Variants in SPECC1 observed in about 807,000 individuals in gnomAD.
SPECC1 encodes the protein sperm antigen with calponin homology and coiled-coil domains 1, also known as cytospin-B.
A neutral mutation model predicts 104.1 loss-of-function variants in SPECC1; 62 were observed. The ratio of observed to expected loss-of-function variants is 0.60; its 90% CI spans 0.49 to 0.74. The LOEUF is 0.74. Ranked by LOEUF, SPECC1 falls within the 30% of genes least tolerant of loss-of-function variation. The pLI is 0.00. For missense variants in SPECC1, 1,306 were observed against 1,310.5 expected, an observed-to-expected ratio of 1.00 and a Z score of 0.05; for synonymous variants, 513 against 501.6, an observed-to-expected ratio of 1.02 and a Z score of -0.30.
intron 5 of SPECC1, among the ~76,000 whole-genome samples, chr17:20,228,180 GA>G (rs1405618264): frequency 1.3e-5 from 2 of 152,124 alleles, no homozygotes; most frequent in Non-Finnish European, 2.9e-5. Flanking sequence ...AGGTGATTGC[GA>G]AAAATAGAAA....
At chr17:20,044,270 A>G (rs2045448424) in intron 1 of SPECC1, among the ~76,000 whole-genome samples, 1 of 152,160 alleles carries the variant, frequency 6.6e-6, no homozygotes, top group Non-Finnish European at 1.5e-5. Context: ...AAAAGGCTAT[A>G]ACAAGATCTG....
rs762394543 is a variant in SPECC1, at chr17:20,227,548, G to A, written c.1999G>A (p.Glu667Lys). The A allele has an allele frequency of 1.2e-6, 2 of 1,612,526 alleles. No individual in the cohort carries two copies. The highest frequency in any genetic ancestry group is 1.7e-5 in the Admixed American group (1 of 59,344). Residue 667 changes from glutamate (E) to lysine (K), a missense_variant, in exon 5 of 15, where the codon GAA becomes AAA. Coordinates refer to ENST00000395527, the MANE Select transcript of SPECC1 (RefSeq NM_001243439.2). ...CAAAGACATGAAAGAAACCATATTT[G>A]AATTGGAAGATCAGGTGGAACAGCA... ...EIKDMKETIF[E>K]LEDQVEQHRA...
chr17:20,037,085 T>G (rs1003958536), intron 1 of SPECC1, among the ~76,000 whole-genome samples: 1 of 152,230 alleles, frequency 6.6e-6, no homozygotes, highest in Non-Finnish European at 1.5e-5. Flanking sequence ...TTTTCCTCTT[T>G]AGTACGTTCA....
intron 3 of SPECC1, among the ~76,000 whole-genome samples, chr17:20,135,434 T>C (rs934075407): frequency 7.2e-5 from 11 of 152,126 alleles, no homozygotes; most frequent in Non-Finnish European, 1.0e-4. Context: ...AGCCAAGAAG[T>C]TTGCAATAAA....
chr17:20,072,088 G>A (rs1204528695), intron 1 of SPECC1, among the ~76,000 whole-genome samples: 1 of 152,202 alleles, frequency 6.6e-6, no homozygotes, highest in Non-Finnish European at 1.5e-5. Context: ...TTTTCTGGGA[G>A]AGACTCTCTA....
At chr17:20,189,548 C>T (rs1207834776) in intron 3 of SPECC1, among the ~76,000 whole-genome samples, 1 of 152,144 alleles carries the variant, frequency 6.6e-6, no homozygotes, top group African/African-American at 2.4e-5. Flanking sequence ...TCAGACCATA[C>T]CATTATCTCT....
At chr17:20,266,690 A>G (rs765696361) in intron 12 of SPECC1, among the ~76,000 whole-genome samples, 11 of 152,224 alleles carry the variant, frequency 7.2e-5, no homozygotes, top group Non-Finnish European at 1.6e-4. Flanking sequence ...CTGGCAGTTA[A>G]CTGAAATAAA....
chr17:20,146,070 A>G (rs1374572974), intron 3 of SPECC1, among the ~76,000 whole-genome samples: 1 of 152,174 alleles, frequency 6.6e-6, no homozygotes, highest in Admixed American at 6.5e-5. Context: ...GTGTAAGTAC[A>G]TTGTTATTAA....
In SPECC1 at chr17:20,297,064, A is replaced by G; in HGVS notation, c.3044A>G (p.Asn1015Ser). 6.2e-7 allele frequency: 1 copy of G among 1,614,072 alleles called. No individual in the cohort carries two copies. Among genetic ancestry groups the G allele is most frequent in the East Asian group, 2.2e-5 (1 of 44,888 alleles). Residue 1015 changes from asparagine to serine, a missense_variant, in exon 13 of 15, where the codon AAT becomes AGT. Physicochemically the swap from Asn to Ser is conservative, Grantham distance 46. Transcript: ENST00000395527. ...GCCCACATCCCCTACCAGGAGCTGA[A>G]TAGTCAGGAGAAAGTAAGTCATGGC... is the stretch of plus-strand genomic sequence containing the variant. ...LPAHIPYQEL[N>S]SQEKKRNLLL... is the part of the protein sequence containing the mutation.
intron 1 of SPECC1, among the ~76,000 whole-genome samples, chr17:20,064,355 G>C (rs2046292753): frequency 6.6e-6 from 1 of 152,232 alleles, no homozygotes; most frequent in African/African-American, 2.4e-5. Context: ...GACTCTCTGG[G>C]ACTCTTGTTC....
rs2042062219 is a variant in SPECC1, at chr17:20,318,076, A to C, written c.*4011A>C. On this transcript the variant is annotated 3_prime_UTR_variant, in exon 15 of 15. Transcript: ENST00000395527. ...TTCTGTCCTGAGGATTTCAAAGACC[A>C]CAACAGCCACATTTCTTTCCATCTT... 4.3e-6 allele frequency: 1 copy of C among 231,210 alleles called. No homozygotes were observed. The highest frequency in any genetic ancestry group is 8.6e-6 in the Non-Finnish European group (1 of 116,856). The allele number at this position is 231,210 out of a possible 1,614,324, so 14.3% of individuals were successfully genotyped here. A position where few individuals can be genotyped will look rare whatever the true frequency, so the allele number is the denominator to read the frequency against.
intron 3 of SPECC1, among the ~76,000 whole-genome samples, chr17:20,151,693 G>A (rs977554553): frequency 6.6e-6 from 1 of 152,134 alleles, no homozygotes; most frequent in East Asian, 1.9e-4. Context: ...TCAGGCAGTT[G>A]GTTTTTCATT....
At chr17:20,095,239 C>CTT (rs1431445877) in intron 1 of SPECC1, among the ~76,000 whole-genome samples, 1 of 152,202 alleles carries the variant, frequency 6.6e-6, no homozygotes, top group East Asian at 1.9e-4. Context: ...AATTAACTTG[C>CTT]TTTCTGTAAT....
At chr17:20,304,602 C>T (rs906294404) in intron 13 of SPECC1, among the ~76,000 whole-genome samples, 3 of 152,068 alleles carry the variant, frequency 2.0e-5, no homozygotes, top group Non-Finnish European at 2.9e-5. Flanking sequence ...GTTAACTGAA[C>T]GTGATGGTAG....
intron 1 of SPECC1, among the ~76,000 whole-genome samples, chr17:20,020,671 G>T (rs1045552864): frequency 2.0e-4 from 30 of 152,192 alleles, no homozygotes; most frequent in African/African-American, 6.8e-4. Flanking sequence ...GTGAGGAATT[G>T]AATTAATTAT....
chr17:20,308,095 A>G (rs1430430412), intron 14 of SPECC1, among the ~76,000 whole-genome samples: 2 of 152,162 alleles, frequency 1.3e-5, no homozygotes, highest in Non-Finnish European at 2.9e-5. Context: ...TAAAAATGAG[A>G]TAACAATTCC....
rs1021566621 is a variant in SPECC1, at chr17:20,294,794, T to C, written c.2941-2167T>C. On this transcript the variant is annotated intron_variant, in intron 12 of 14. Coordinates refer to ENST00000395527, the MANE Select transcript of SPECC1 (RefSeq NM_001243439.2). ...TACAAAACTAATCAGGTGGGTTAAT[T>C]TGAGAATAAGATATCTTTGAGCCTT... Among the ~76,000 whole-genome samples, 16 of 152,196 alleles carry C rather than the reference T, an allele frequency of 1.1e-4. 1 individual carries two copies. The South Asian group carries it at 1.5e-3, about 14-fold the overall frequency.
chr17:20,227,443 A>C lies in SPECC1; in HGVS notation c.1894A>C (p.Ile632Leu). 6.2e-7 allele frequency: 1 copy of C among 1,613,326 alleles called. No homozygotes were observed. Among genetic ancestry groups the C allele is most frequent in the Non-Finnish European group, 8.5e-7 (1 of 1,179,736 alleles). ...VEKDYSYLKE[I>L]CDHQAEQLSR... ...AAAGGATTATTCATACCTGAAGGAG[A>C]TATGTGATCACCAAGCCGAACAGCT... The change falls in exon 5 of 15, where the codon ATA becomes CTA. Residue 632 changes from isoleucine (I) to leucine (L), a missense_variant. Physicochemically the swap from Ile to Leu is conservative, Grantham distance 5. This residue lies in a region of SPECC1 where 1,177 missense variants were observed against 1,139.9 expected (regional missense o/e 1.03). Transcript: ENST00000395527.
In SPECC1 at chr17:20,232,336, C is replaced by T. The variant is rs1364389534; in HGVS notation, c.2282C>T (p.Ala761Val). The change falls in exon 7 of 15, where the codon GCC (alanine) becomes GTC (valine). Residue 761 changes from alanine to valine, a missense_variant. By Grantham distance (64) the Ala-to-Val change is moderately conservative. Transcript: ENST00000395527. Reference sequence around the variant, plus strand: ...CTGCTGGAGGAGGAGGAGAAGAATGCCCGGTTGCAGAAGGAGCTGGGGGAT... The same window carrying T: ...CTGCTGGAGGAGGAGGAGAAGAATGTCCGGTTGCAGAAGGAGCTGGGGGAT... The part of the protein sequence containing the change: ...RKLLEEEEKN[A>V]RLQKELGDVQ... 3 of 1,613,904 alleles carry T rather than the reference C, an allele frequency of 1.9e-6. No individual in the cohort carries two copies. Among genetic ancestry groups the T allele is most frequent in the Non-Finnish European group, 2.5e-6 (3 of 1,179,980 alleles).
Sources: gnomAD v4.1 joint callset for allele counts (sites outside exome capture counted in the v4.1 genomes callset) on GRCh38, gnomAD v4.1.1 for gene constraint, gnomAD v4.1.1 regional missense constraint, MANE v1.5 for transcripts, NCBI Gene and HGNC (gene_info 2026-07-23, HGNC 2026-07-21) for gene names.